NCOR1: variants seen among roughly 807,000 people sequenced by gnomAD.
NCOR1 encodes protein phosphatase 1, regulatory subunit 109.
Under a neutral mutation model 288.1 loss-of-function variants are expected in NCOR1, and 63 were observed. That is an observed-to-expected ratio of 0.22 (90% CI 0.18 to 0.27). The LOEUF is 0.27. Ranked by LOEUF, NCOR1 falls within the 10% of genes least tolerant of loss-of-function variation. NCOR1 has a pLI of 1.00. For synonymous variants in NCOR1, 1,007 were observed against 1,065.9 expected, an observed-to-expected ratio of 0.94 and a Z score of 1.08; for missense variants, 2,397 against 3,019.2, an observed-to-expected ratio of 0.79 and a Z score of 4.83.
At chr17:16,117,530 A>AC (rs1157105070) in intron 18 of NCOR1, among the ~76,000 whole-genome samples, 138 of 151,776 alleles carry the variant, frequency 9.1e-4, no homozygotes, top group African/African-American at 3.2e-3. Context: ...AAAAAAAAAA[A>AC]AAAACATCAA....
At chr17:16,095,561 CCAGCCGCCCCGTA>C (rs2066372101) in intron 21 of NCOR1, among the ~76,000 whole-genome samples, 1 of 124,720 alleles carries the variant, frequency 8.0e-6, no homozygotes, top group Non-Finnish European at 1.7e-5. Context: ...CCCCGCCCGG[CCAGCCGCCCCGTA>C]CAGGAGGTGA....
At chr17:16,063,888 AT>A (rs1425426102) in intron 35 of NCOR1, among the ~76,000 whole-genome samples, 179 bp downstream of exon 35, 1 of 152,222 alleles carries the variant, frequency 6.6e-6, no homozygotes, top group African/African-American at 2.4e-5. Flanking sequence ...TCCGTGTAAA[AT>A]TCACGTTTCC....
At chr17:16,148,646 T>C (rs1191133819) in intron 9 of NCOR1, among the ~76,000 whole-genome samples, 5 of 130,208 alleles carry the variant, frequency 3.8e-5, no homozygotes, top group African/African-American at 5.9e-5. Context: ...TCTTACTTGA[T>C]ATTTATATGT....
At chr17:16,194,097 T>A (rs1285087464) in intron 2 of NCOR1, among the ~76,000 whole-genome samples, 1 of 152,058 alleles carries the variant, frequency 6.6e-6, no homozygotes, top group Non-Finnish European at 1.5e-5. Context: ...AAGAGAGAGG[T>A]CTTTATCTTG....
chr17:16,103,573 G>C (rs1328331458), intron 19 of NCOR1, among the ~76,000 whole-genome samples: 1 of 152,218 alleles, frequency 6.6e-6, no homozygotes, highest in African/African-American at 2.4e-5. Context: ...ACAGCTCTCT[G>C]AATTCAAGTC....
chr17:16,049,165 C>CA, intron 40 of NCOR1, 177 bp from the exon 41 acceptor site: 1 of 462,294 alleles, frequency 2.2e-6, no homozygotes, highest in Non-Finnish European at 3.6e-6. Flanking sequence ...AAACAAACAA[C>CA]AACAAAAAAA....
chr17:16,039,542 A>T lies in NCOR1; in HGVS notation c.6846T>A (p.His2282Gln). 1 of 1,614,172 alleles carries T rather than the reference A, an allele frequency of 6.2e-7. No individual in the cohort carries two copies. Among genetic ancestry groups the T allele is most frequent in the South Asian group, 1.1e-5 (1 of 91,084 alleles). The change falls in exon 44 of 46, where the codon CAT becomes CAA. Residue 2282 changes from histidine to glutamine, a missense_variant. His to Gln is a conservative substitution (Grantham distance 24). This residue lies in a region of NCOR1 where 1,872 missense variants were observed against 2,187.8 expected (regional missense o/e 0.86). Transcript: ENST00000268712. ...MGSFDDKVED[H>Q]GVVMSQPMGV... is the part of the protein sequence containing the mutation. Reference sequence around the variant, plus strand: ...CCATAGGCTGGGACATGACAACTCCATGATCCTCAACTTTGTCATCAAAGC... The same window carrying T: ...CCATAGGCTGGGACATGACAACTCCTTGATCCTCAACTTTGTCATCAAAGC...
At chr17:16,156,391 G>A (rs2079788149) in intron 6 of NCOR1, among the ~76,000 whole-genome samples, 1 of 150,840 alleles carries the variant, frequency 6.6e-6, no homozygotes, top group Non-Finnish European at 1.5e-5. Context: ...AGCTGAGATT[G>A]CGCCACAGCA....
intron 14 of NCOR1, among the ~76,000 whole-genome samples, chr17:16,129,342 C>T (rs1376427897): frequency 6.6e-6 from 1 of 152,182 alleles, no homozygotes; most frequent in Non-Finnish European, 1.5e-5. Flanking sequence ...AACCCTTATT[C>T]TATCAAATTT....
intron 21 of NCOR1, among the ~76,000 whole-genome samples, chr17:16,095,184 C>T (rs921657265): frequency 6.6e-6 from 1 of 151,012 alleles, no homozygotes; most frequent in Admixed American, 6.6e-5. Context: ...GGCCGCCCAT[C>T]GTCTGAGATG....
rs545528206 is a variant in NCOR1, at chr17:16,067,486, A to G, written c.4741+408T>C. On this transcript the variant is annotated intron_variant, in intron 32 of 45. Coordinates refer to ENST00000268712, the MANE Select transcript of NCOR1 (RefSeq NM_006311.4). Reference sequence around the variant, plus strand: ...ACTTAAAAAAAAGAATTTCTTTTATATAAGACAGTGAGACTTAATCACTTG... The same window carrying G: ...ACTTAAAAAAAAGAATTTCTTTTATGTAAGACAGTGAGACTTAATCACTTG... 5.3e-5 allele frequency among the ~76,000 whole-genome samples: 8 copies of G among 152,376 alleles called. No individual in the cohort carries two copies. The South Asian group carries it at 1.0e-3, about 20-fold the overall frequency.
At position 16,092,289 on chromosome 17, in the gene NCOR1, A is replaced by T. The variant is rs181512776; in HGVS notation, c.2821-231T>A. The stretch of plus-strand genomic sequence containing the variant: ...CAGATCACCTGAGGTCGGGAGTTCA[A>T]GACCAGCCTGGCTGGTATTTTGTAT... On this transcript the variant is annotated intron_variant, in intron 21 of 45. Transcript: ENST00000268712. 1.6e-4 allele frequency among the ~76,000 whole-genome samples: 24 copies of T among 152,224 alleles called. 1 individual carries two copies. The highest frequency in any genetic ancestry group is 5.8e-4 in the African/African-American group (24 of 41,548).
intron 10 of NCOR1, among the ~76,000 whole-genome samples, chr17:16,145,795 G>A (rs1191594019): frequency 6.6e-6 from 1 of 152,236 alleles, no homozygotes; most frequent in Non-Finnish European, 1.5e-5. Context: ...TCTGGGAGGT[G>A]TGCCCAACAG....
At chr17:16,190,590 C>T (rs561461780) in intron 2 of NCOR1, among the ~76,000 whole-genome samples, 1 of 152,020 alleles carries the variant, frequency 6.6e-6, no homozygotes, top group Non-Finnish European at 1.5e-5. Flanking sequence ...ATCTGCCCGC[C>T]TCAGCCTCCC....
Position 16,137,354 on chromosome 17 carries a change from G to A in NCOR1, c.1466C>T (p.Ala489Val). The A allele has an allele frequency of 6.2e-7, 1 of 1,604,098 alleles. No homozygotes were observed. The highest frequency in any genetic ancestry group is 8.5e-7 in the Non-Finnish European group (1 of 1,174,428). The stretch of plus-strand genomic sequence containing the variant: ...TTTCCCATAATTCCTTCTGACGAGG[G>A]CTTTATAATTCTCATTTTTCTTGGT... Reference protein sequence around the residue: ...YLTKKNENYKALVRRNYGKRR... With the variant: ...YLTKKNENYKVLVRRNYGKRR... Residue 489 changes from alanine to valine, a missense_variant, in exon 14 of 46, where the codon GCC (alanine) becomes GTC (valine). Ala to Val is a moderately conservative substitution (Grantham distance 64). This residue lies in a region of NCOR1 where 7 missense variants were observed against 30.5 expected (regional missense o/e 0.23). Coordinates refer to ENST00000268712, the MANE Select transcript of NCOR1 (RefSeq NM_006311.4).
At chr17:16,145,018 T>C (rs1271457449) in intron 10 of NCOR1, among the ~76,000 whole-genome samples, 1 of 152,218 alleles carries the variant, frequency 6.6e-6, no homozygotes, top group Non-Finnish European at 1.5e-5. Context: ...TGCCTGATTC[T>C]CCTGCCTCGT....
intron 1 of NCOR1, among the ~76,000 whole-genome samples, chr17:16,203,040 TACAC>T (rs57228948): frequency 6.4e-4 from 94 of 147,048 alleles, no homozygotes; most frequent in African/African-American, 1.1e-3. Context: ...AGCTGTTCCT[TACAC>T]ACACACACAC....
chr17:16,193,521 C>T (rs973131213), intron 2 of NCOR1, among the ~76,000 whole-genome samples: 2 of 152,172 alleles, frequency 1.3e-5, no homozygotes, highest in African/African-American at 2.4e-5. Context: ...GCATGAGCCA[C>T]CGCGCCCGGC....
intron 40 of NCOR1, 80 bp from the exon 41 acceptor site, chr17:16,049,068 G>T: frequency 7.2e-7 from 1 of 1,393,064 alleles, no homozygotes. Flanking sequence ...GTTAACTCAT[G>T]ACTTCATTCA....
Sources: gnomAD v4.1 joint callset for allele counts (sites outside exome capture counted in the v4.1 genomes callset) on GRCh38, gnomAD v4.1.1 for gene constraint, gnomAD v4.1.1 regional missense constraint, MANE v1.5 for transcripts, NCBI Gene and HGNC (gene_info 2026-07-23, HGNC 2026-07-21) for gene names.